PDLIM2: variants seen among roughly 807,000 people sequenced by gnomAD.
PDLIM2 encodes PDZ and LIM domain 2.
PDLIM2 carries 51 observed loss-of-function variants against 54.1 expected under a neutral mutation model. That is an observed-to-expected ratio of 0.94 (90% CI 0.75 to 1.19). PDLIM2 has a LOEUF of 1.19. Ranked by LOEUF, PDLIM2 falls within the 50% of genes most tolerant of loss-of-function variation. The pLI, the probability that PDLIM2 is intolerant of heterozygous loss-of-function variation, is 0.00. For synonymous variants in PDLIM2, 398 were observed against 385.6 expected (o/e 1.03, Z -0.38); for missense variants, 912 against 874.0 (o/e 1.04, Z -0.55).
chr8:22,591,270 C>T (rs774770391), intron 8 of PDLIM2: 1 of 519,898 alleles, frequency 1.9e-6, no homozygotes, highest in Non-Finnish European at 3.5e-6. Flanking sequence ...ATTACCAGGT[C>T]ATTAGAGAGG....
intron 8 of PDLIM2, 45 bp from the exon 8 acceptor site, chr8:22,591,506 G>A: frequency 6.5e-7 from 1 of 1,542,508 alleles, no homozygotes; most frequent in Non-Finnish European, 9.0e-7. Flanking sequence ...GGAGGATGCT[G>A]TGGTTGGTGG....
chr8:22,592,077 C>CTTTTTTTTTTTTTTTTTTTTTTTTTTTTT (rs60908593), intron 9 of PDLIM2: 4 of 95,188 alleles, frequency 4.2e-5, no homozygotes, highest in Non-Finnish European at 5.8e-5. Context: ...TCTTTCTTTT[C>CTTTTTTTTTTTTTTTTTTTTTTTTTTTTT]TTTTTTTTTT....
downstream of PDLIM2, chr8:22,597,721 C>G (rs375891008): frequency 6.6e-6 from 1 of 152,470 alleles, no homozygotes; most frequent in Non-Finnish European, 1.5e-5. Flanking sequence ...GGAGGGCTGG[C>G]AGGGCTCTGG....
chr8:22,581,485 G>A (rs1229326288), exon 3 of PDLIM2: 7 of 1,603,732 alleles, frequency 4.4e-6, no homozygotes, highest in Non-Finnish European at 5.9e-6. Flanking sequence ...GAGGCCCAGA[G>A]CAAGATCCGC....
intron 3 of PDLIM2, among the ~76,000 whole-genome samples, chr8:22,582,116 G>C (rs1435250214): frequency 6.6e-6 from 1 of 152,238 alleles, no homozygotes; most frequent in Non-Finnish European, 1.5e-5. Context: ...GGGGGAACAG[G>C]TGGCTCCCTG....
At chr8:22,589,665 T>A in exon 8 of PDLIM2, 1 of 1,583,812 alleles carries the variant, frequency 6.3e-7, no homozygotes, top group Non-Finnish European at 8.6e-7. Flanking sequence ...TGCAGGAAAA[T>A]CGCGAGGGAC....
At chr8:22,595,792 A>G (rs73229819), downstream of PDLIM2, 2,770 of 152,306 alleles carry the variant, frequency 0.018, 26 homozygotes, top group Non-Finnish European at 0.027. Context: ...TTGAGGCTCT[A>G]GGGACATTTT....
chr8:22,592,603 T>C (rs1287719567), intron 9 of PDLIM2: 1 of 152,234 alleles, frequency 6.6e-6, no homozygotes. Flanking sequence ...GGAATGTGTG[T>C]TGAAAAAGCA....
At chr8:22,593,642 C>G in intron 9 of PDLIM2, 91 bp from the exon 9 acceptor site, 1 of 1,149,966 alleles carries the variant, frequency 8.7e-7, no homozygotes, top group African/African-American at 1.6e-5. Flanking sequence ...CACCCAGGTC[C>G]TGATGCTACA....
intron 3 of PDLIM2, among the ~76,000 whole-genome samples, chr8:22,583,122 C>T (rs1046776718): frequency 7.2e-5 from 11 of 152,104 alleles, no homozygotes; most frequent in South Asian, 6.2e-4. Flanking sequence ...CAAGATGGGA[C>T]GAGGCAGGCT....
chr8:22,589,108 G>A (rs944707170), intron 6 of PDLIM2, 190 bp from the exon 6 acceptor site: 1 of 505,590 alleles, frequency 2.0e-6, no homozygotes, highest in Admixed American at 3.4e-5. Flanking sequence ...AAGGGGCAGG[G>A]GGCCCGCTGG....
chr8:22,591,889 T>TC (rs1800560748), intron 9 of PDLIM2: 3 of 468,890 alleles, frequency 6.4e-6, no homozygotes, highest in Non-Finnish European at 1.1e-5. Flanking sequence ...CCTCTCCCTC[T>TC]CCTCCTTTTC....
chr8:22,584,828 G>C (rs776275089), exon 4 of PDLIM2: 1 of 1,614,126 alleles, frequency 6.2e-7, no homozygotes, highest in Non-Finnish European at 8.5e-7. Context: ...CAGGTCTCAG[G>C]CTACGTCTCC....
At position 22,580,938 on chromosome 8, in the gene PDLIM2, C is replaced by T. The variant is rs147753888; in HGVS notation, c.843+241C>T. On this transcript the variant is annotated intron_variant, in intron 2 of 9. Coordinates refer to ENST00000308354, the Ensembl canonical transcript of PDLIM2. ...AGGACAGGGCCGGCTCTTGCCTCCC[C>T]AGTTGCTATCCCCACACTTGCAGGC... is the stretch of plus-strand genomic sequence containing the variant. 1.0e-3 allele frequency: 688 copies of T among 684,456 alleles called. 3 individuals are homozygous for T. The African/African-American group carries it at 0.011, about 11-fold the overall frequency. The allele number at this position is 684,456 out of a possible 1,614,324, so 42.4% of individuals were successfully genotyped here.
At chr8:22,592,729 G>A (rs1287015878) in intron 9 of PDLIM2, 1 of 152,262 alleles carries the variant, frequency 6.6e-6, no homozygotes, top group Admixed American at 6.5e-5. Flanking sequence ...ACAGGCCTGA[G>A]AATGTGCATT....
chr8:22,584,569 C>A (rs1410491708), intron 3 of PDLIM2, among the ~76,000 whole-genome samples: 2 of 152,206 alleles, frequency 1.3e-5, no homozygotes, highest in African/African-American at 4.8e-5. Context: ...CCTTGGCTTC[C>A]CAAAGCGTTG....
Position 22,586,077 on chromosome 8 carries a change from G to A in PDLIM2, c.1290+678G>A, listed in dbSNP as rs144193595. On this transcript the variant is annotated intron_variant, in intron 6 of 9. Coordinates refer to ENST00000308354, the Ensembl canonical transcript of PDLIM2. ...CTGGGCCGCAGCTGCTGGGGACGGC[G>A]TGGGGGGCACGTCCAGCCTTTGGGG... is the stretch of plus-strand genomic sequence containing the variant. Among the ~76,000 whole-genome samples the A allele has an allele frequency of 1.6e-3, 241 of 152,300 alleles. 2 individuals carry two copies. Among genetic ancestry groups the A allele is most frequent in the African/African-American group, 5.6e-3 (232 of 41,558 alleles).
chr8:22,580,302 C>T, intron 1 of PDLIM2, 173 bp from the exon 1 acceptor site: 2 of 464,556 alleles, frequency 4.3e-6, no homozygotes, highest in Non-Finnish European at 7.6e-6. Context: ...GCCCCTGCCC[C>T]CCATGCTCCA....
chr8:22,583,754 G>A (rs1292502789), intron 3 of PDLIM2, among the ~76,000 whole-genome samples: 1 of 147,940 alleles, frequency 6.8e-6, no homozygotes, highest in Non-Finnish European at 1.5e-5. Context: ...GTGACAGAGC[G>A]AGACTCCATC....
Sources: gnomAD v4.1 joint callset for allele counts (sites outside exome capture counted in the v4.1 genomes callset) on GRCh38, gnomAD v4.1.1 for gene constraint, MANE v1.5 for transcripts, NCBI Gene and HGNC (gene_info 2026-07-23, HGNC 2026-07-21) for gene names.